Variants in OOSP4A observed in about 807,000 individuals in gnomAD.
OOSP4A encodes oocyte secreted protein family member 4A, also known as oocyte-secreted protein 4A.
chr11:59,968,298 T>C (rs1193388553), intron 3 of OOSP4A, among the ~76,000 whole-genome samples: 2 of 152,210 alleles, frequency 1.3e-5, no homozygotes, highest in Admixed American at 6.5e-5. Flanking sequence ...TCTCGAATTA[T>C]GGATGTGTGA....
At chr11:59,967,686 A>G (rs1156897900) in intron 3 of OOSP4A, among the ~76,000 whole-genome samples, 4 of 151,634 alleles carry the variant, frequency 2.6e-5, no homozygotes, top group African/African-American at 9.7e-5. Flanking sequence ...TATATATAAA[A>G]TCAAGACTTG....
At chr11:59,967,200 A>G (rs1854110110) in intron 3 of OOSP4A, 36 bp downstream of exon 3, 1 of 397,526 alleles carries the variant, frequency 2.5e-6, no homozygotes, top group Admixed American at 4.4e-5. Flanking sequence ...AAGGCTATCT[A>G]ATATTATTTT....
intron 2 of OOSP4A, among the ~76,000 whole-genome samples, chr11:59,966,552 T>C (rs1854101425): frequency 2.0e-5 from 3 of 151,952 alleles, no homozygotes. Flanking sequence ...CTCGGCTCAC[T>C]GCAACCTCCA....
Position 59,964,115 on chromosome 11 carries a change from A to C in OOSP4A, c.67+16A>C, listed in dbSNP as rs1854070053. 2.6e-6 allele frequency: 1 copy of C among 389,074 alleles called. No individual in the cohort carries two copies. The highest frequency in any genetic ancestry group is 4.5e-6 in the Non-Finnish European group (1 of 222,494). The allele number at this position is 389,074 out of a possible 1,614,324, so 24.1% of individuals were successfully genotyped here. A position where few individuals can be genotyped will look rare whatever the true frequency, so the allele number is the denominator to read the frequency against. ...CTCCAAGATTGTAAGAAAAAGAGGG[A>C]ATTTTTGGAGGTGGCAATTTCAATC... is the stretch of plus-strand genomic sequence containing the variant. On this transcript the variant is annotated intron_variant, in intron 1 of 4. Coordinates refer to ENST00000645590, the Ensembl canonical transcript of OOSP4A.
rs1854135211 is a variant in OOSP4A at position 59,969,561 on chromosome 11, T to A, written c.479+277T>A. On this transcript the variant is annotated intron_variant, in intron 4 of 4. Transcript: ENST00000645590. ...TGAGCTAGAGAAAAACCATCTTTGG[T>A]GCATATAAGTATGGAATGGGATCAT... Among the ~76,000 whole-genome samples, 3 of 152,234 alleles carry A rather than the reference T, an allele frequency of 2.0e-5. No homozygotes were observed. In the South Asian group the frequency reaches 6.2e-4, roughly 31 times the overall value.
At chr11:59,965,576 A>C (rs1032761899) in exon 2 of OOSP4A, 3 of 398,422 alleles carry the variant, frequency 7.5e-6, no homozygotes, top group African/African-American at 6.2e-5. Context: ...GGTCAAACTT[A>C]GACGAACGCC....
downstream of OOSP4A, chr11:59,970,224 A>C (rs1854140881): frequency 1.8e-5 from 7 of 395,040 alleles, no homozygotes; most frequent in Admixed American, 3.1e-4. Flanking sequence ...ATCATTTCAA[A>C]TGTGATATTT....
At position 59,966,854 on chromosome 11, in the gene OOSP4A, T is replaced by C. The variant is rs1854104435; in HGVS notation, c.247-213T>C. Among the ~76,000 whole-genome samples, 6 of 152,190 alleles carry C rather than the reference T, an allele frequency of 3.9e-5. No individual in the cohort carries two copies. The South Asian group carries it at 1.2e-3, about 31-fold the overall frequency. Reference sequence around the variant, plus strand: ...GTGCCAAATACAATGTCCCTGCTACTATGGCAGGGGCTATTAATGTCTTCT... The same window carrying C: ...GTGCCAAATACAATGTCCCTGCTACCATGGCAGGGGCTATTAATGTCTTCT... On this transcript the variant is annotated intron_variant, in intron 2 of 4. Coordinates refer to ENST00000645590, the Ensembl canonical transcript of OOSP4A.
In OOSP4A at chr11:59,968,300, G is replaced by C. The variant is rs73493151; in HGVS notation, c.345-850G>C. On this transcript the variant is annotated intron_variant, in intron 3 of 4. Coordinates refer to ENST00000645590, the Ensembl canonical transcript of OOSP4A. ...ACCCAGAAGTGTATCTCGAATTATG[G>C]ATGTGTGAGTTTTTTGGAGTTCTTA... Among the ~76,000 whole-genome samples the C allele has an allele frequency of 7.6e-3, 1,152 of 152,268 alleles. 14 individuals carry two copies. The highest frequency in any genetic ancestry group is 0.025 in the African/African-American group (1,043 of 41,538).
intron 2 of OOSP4A, among the ~76,000 whole-genome samples, chr11:59,966,166 ACTT>A (rs1310694306): frequency 6.8e-6 from 1 of 146,746 alleles, no homozygotes; most frequent in Non-Finnish European, 1.5e-5. Context: ...TCACCAGAAA[ACTT>A]TTTTTTTTTT....
At chr11:59,965,203 C>T (rs1404772331) in intron 1 of OOSP4A, among the ~76,000 whole-genome samples, 11 of 151,292 alleles carry the variant, frequency 7.3e-5, no homozygotes, top group Admixed American at 1.3e-4. Flanking sequence ...TGTTAAATGA[C>T]GAGTTAATGG....
At chr11:59,967,204 T>C in intron 3 of OOSP4A, 40 bp downstream of exon 3, 3 of 397,542 alleles carry the variant, frequency 7.5e-6, no homozygotes, top group Non-Finnish European at 1.3e-5. Flanking sequence ...CTATCTAATA[T>C]TATTTTTGCC....
intron 1 of OOSP4A, among the ~76,000 whole-genome samples, chr11:59,964,456 G>A (rs566679841): frequency 6.6e-6 from 1 of 152,030 alleles, no homozygotes; most frequent in African/African-American, 2.4e-5. Flanking sequence ...CCTAAGAGAG[G>A]AGGTTACCTA....
intron 3 of OOSP4A, among the ~76,000 whole-genome samples, chr11:59,968,806 T>C (rs1273740044): frequency 1.3e-5 from 2 of 152,220 alleles, no homozygotes; most frequent in Non-Finnish European, 2.9e-5. Flanking sequence ...CAGAACTGCA[T>C]GCCTCTAATC....
downstream of OOSP4A, chr11:59,970,275 C>A (rs778658409): frequency 5.2e-6 from 2 of 387,878 alleles, no homozygotes; most frequent in Non-Finnish European, 9.1e-6. Context: ...ATTTATGAAC[C>A]GTTGGGGTAG....
intron 1 of OOSP4A, among the ~76,000 whole-genome samples, chr11:59,964,603 G>GT (rs1373194153): frequency 4.6e-5 from 7 of 152,080 alleles, no homozygotes; most frequent in Admixed American, 2.0e-4. Context: ...CCACTTAATA[G>GT]TTACATGACC....
chr11:59,968,336 G>A (rs1363904311), intron 3 of OOSP4A, among the ~76,000 whole-genome samples: 1 of 152,074 alleles, frequency 6.6e-6, no homozygotes, highest in Non-Finnish European at 1.5e-5. Flanking sequence ...GAAAGGGGGT[G>A]GTCATCACAA....
intron 1 of OOSP4A, among the ~76,000 whole-genome samples, chr11:59,964,381 C>T (rs1362441564): frequency 6.6e-6 from 1 of 151,796 alleles, no homozygotes; most frequent in East Asian, 1.9e-4. Context: ...TGGAGACTAG[C>T]TTGTTACTTT....
At chr11:59,964,483 C>T (rs933089306) in intron 1 of OOSP4A, among the ~76,000 whole-genome samples, 2 of 151,900 alleles carry the variant, frequency 1.3e-5, no homozygotes, top group African/African-American at 2.4e-5. Flanking sequence ...CATTTCTGGC[C>T]GTGGGGTATG....
Sources: allele counts gnomAD v4.1 joint callset (sites outside exome capture counted in the v4.1 genomes callset), GRCh38; gene constraint gnomAD v4.1.1; transcripts MANE v1.5; gene names NCBI Gene and HGNC (gene_info 2026-07-23, HGNC 2026-07-21).